The following ANKRD11 variants were observed in gnomAD, a reference collection of about 807,000 sequenced individuals.
The protein encoded by ANKRD11 is ankyrin repeat domain 11.
In ANKRD11, 17 loss-of-function variants were observed where a neutral mutation model predicts 195.7. That is an observed-to-expected ratio of 0.09 (90% confidence interval 0.06 to 0.13). ANKRD11 has a LOEUF of 0.13. Among genes scored for constraint, ANKRD11 ranks in the 10% least tolerant of loss-of-function variants. The pLI is 1.00. For missense variants in ANKRD11, 3,735 were observed against 3,566.1 expected (o/e 1.05, Z -1.21); for synonymous variants, 1,953 against 1,528.1 (o/e 1.28, Z -6.49).
intron 4 of ANKRD11, chr16:89,301,757 C>G: frequency 2.5e-6 from 1 of 397,524 alleles, no homozygotes; most frequent in Non-Finnish European, 4.4e-6. Flanking sequence ...GGCTGATTCA[C>G]AACAGACAGA....
At chr16:89,383,543 G>A (rs1422609377) in intron 2 of ANKRD11, among the ~76,000 whole-genome samples, 1 of 152,232 alleles carries the variant, frequency 6.6e-6, no homozygotes, top group Non-Finnish European at 1.5e-5. Flanking sequence ...AGAAGGAAGA[G>A]CCATGAAGTT....
chr16:89,415,719 T>C (rs2042272339), intron 2 of ANKRD11, among the ~76,000 whole-genome samples: 1 of 148,868 alleles, frequency 6.7e-6, no homozygotes, highest in South Asian at 2.1e-4. Flanking sequence ...TCCCAGCTAG[T>C]TGGGAGGCTG....
At chr16:89,405,151 G>A (rs560668543) in intron 2 of ANKRD11, among the ~76,000 whole-genome samples, 3 of 152,046 alleles carry the variant, frequency 2.0e-5, no homozygotes, top group East Asian at 1.9e-4. Context: ...TGGAGATCAC[G>A]CCATTGCACT....
intron 1 of ANKRD11, among the ~76,000 whole-genome samples, chr16:89,446,691 T>C (rs1445219767): frequency 1.3e-5 from 2 of 152,154 alleles, no homozygotes; most frequent in South Asian, 2.1e-4. Flanking sequence ...CTGAGATCCT[T>C]GTGGCAGGAC....
At chr16:89,362,377 C>T (rs1216442102) in intron 2 of ANKRD11, among the ~76,000 whole-genome samples, 1 of 152,184 alleles carries the variant, frequency 6.6e-6, no homozygotes, top group African/African-American at 2.4e-5. Flanking sequence ...AGAACCAAAA[C>T]CTGAGCTGGA....
chr16:89,478,861 T>C (rs2057345962), intron 1 of ANKRD11, among the ~76,000 whole-genome samples: 1 of 152,212 alleles, frequency 6.6e-6, no homozygotes, highest in African/African-American at 2.4e-5. Context: ...AAGGATGAGG[T>C]AATCTGGAGG....
intron 1 of ANKRD11, among the ~76,000 whole-genome samples, chr16:89,481,190 C>T (rs1900699436): frequency 6.6e-6 from 1 of 152,194 alleles, no homozygotes; most frequent in Admixed American, 6.5e-5. Context: ...TACCAGTTAA[C>T]ACCATGAAGT....
chr16:89,372,647 T>A (rs1200867034), intron 2 of ANKRD11, among the ~76,000 whole-genome samples: 4 of 151,824 alleles, frequency 2.6e-5, no homozygotes, highest in African/African-American at 4.9e-5. Flanking sequence ...AAGAAAAAAA[T>A]TTTTTTGAAA....
rs559830913 is a variant in ANKRD11, at chr16:89,285,006, G to A, written c.1536C>T (p.Pro512=). 1.9e-6 allele frequency: 3 copies of A among 1,614,046 alleles called. No individual in the cohort carries two copies. The highest frequency in any genetic ancestry group is 3.3e-5 in the Admixed American group (2 of 60,018). The stretch of plus-strand genomic sequence containing the variant: ...AGGCAGAGAGGGAGCTGAACAGGGA[G>A]GGGTCCTTCAGCACCAGCGGGGACC... ...LKGSPLVLKD[P]SLFSSLSASS... The change falls in exon 9 of 13, where the codon CCC becomes CCT. Residue 512 remains proline (P), a synonymous_variant. Coordinates refer to ENST00000301030, the MANE Select transcript of ANKRD11 (RefSeq NM_013275.6). This position sits in a 1 kb window ranked among gnomAD's most constrained non-coding sequence, Gnocchi z 5.6.
intron 2 of ANKRD11, among the ~76,000 whole-genome samples, chr16:89,343,294 G>A (rs1383464225): frequency 1.3e-5 from 2 of 152,212 alleles, no homozygotes; most frequent in Non-Finnish European, 2.9e-5. Context: ...CACTGGGCCT[G>A]AGCGCATTTT....
chr16:89,447,128 G>T (rs908936377), intron 1 of ANKRD11, among the ~76,000 whole-genome samples: 1 of 151,850 alleles, frequency 6.6e-6, no homozygotes, highest in African/African-American at 2.4e-5. Flanking sequence ...CACGTCCATC[G>T]TTCCAACTAC....
intron 2 of ANKRD11, among the ~76,000 whole-genome samples, chr16:89,351,128 G>A (rs570981409): frequency 2.2e-4 from 34 of 152,312 alleles, no homozygotes; most frequent in African/African-American, 5.5e-4. Context: ...GAGAATGCAC[G>A]GGAGTGGACG....
intron 11 of ANKRD11, among the ~76,000 whole-genome samples, chr16:89,273,955 G>A (rs1458289818): frequency 1.3e-5 from 2 of 152,286 alleles, no homozygotes; most frequent in East Asian, 1.9e-4. Context: ...TTCCAGGCAC[G>A]TCCCACTGCA....
rs76794310 is a variant in ANKRD11 at position 89,483,043 on chromosome 16, G to A, written c.-145+7202C>T. On this transcript the variant is annotated intron_variant, in intron 1 of 12. Coordinates refer to ENST00000301030, the MANE Select transcript of ANKRD11 (RefSeq NM_013275.6). ...GGTTATGGTGGTTAGTTACAGCAGC[G>A]CTGGAAAACCAACACGGGCAGCACT... is the stretch of plus-strand genomic sequence containing the variant. Among the ~76,000 whole-genome samples, 542 of 152,238 alleles carry A rather than the reference G, an allele frequency of 3.6e-3. 2 individuals are homozygous for A. The highest frequency in any genetic ancestry group is 4.8e-3 in the Non-Finnish European group (324 of 68,022).
At chr16:89,437,258 TGATGCTAA>T in intron 1 of ANKRD11, among the ~76,000 whole-genome samples, 1 of 152,162 alleles carries the variant, frequency 6.6e-6, no homozygotes, top group Non-Finnish European at 1.5e-5. Context: ...GAACCAAGCA[TGATGCTAA>T]TATGCTAATA....
intron 1 of ANKRD11, among the ~76,000 whole-genome samples, chr16:89,470,852 G>A (rs1026312528): frequency 6.6e-6 from 1 of 152,152 alleles, no homozygotes; most frequent in African/African-American, 2.4e-5. Context: ...AATTAGCTGG[G>A]CACGGTGGCG....
chr16:89,384,839 AAGAACATGTGTGTGGG>A (rs1326958893), intron 2 of ANKRD11, among the ~76,000 whole-genome samples: 1 of 147,188 alleles, frequency 6.8e-6, no homozygotes, highest in African/African-American at 2.5e-5. Flanking sequence ...ATACGTGTGT[AAGAACATGTGTGTGGG>A]AGCACACAAT....
At chr16:89,330,557 T>C (rs1010297557) in intron 2 of ANKRD11, among the ~76,000 whole-genome samples, 13 of 146,498 alleles carry the variant, frequency 8.9e-5, no homozygotes, top group African/African-American at 3.3e-4. Flanking sequence ...GATGGGGTGG[T>C]GTGGGGGGGA....
chr16:89,270,874 G>A lies in ANKRD11; in HGVS notation c.7749C>T (p.Asn2583=), dbSNP rs138161949. 92 of 1,613,932 alleles carry A rather than the reference G, an allele frequency of 5.7e-5. 1 individual carries two copies. Among genetic ancestry groups the A allele is most frequent in the Middle Eastern group, 4.9e-4 (3 of 6,084 alleles). Reference sequence around the variant, plus strand: ...GGAGCCAGGAGATGAACTGGCGGGCGTTGAAACGGTCGCGCACTGACTTGT... The same window carrying A: ...GGAGCCAGGAGATGAACTGGCGGGCATTGAAACGGTCGCGCACTGACTTGT... ...DENKSVRDRF[N]ARQFISWLQD... The change falls in exon 12 of 13, where the codon AAC becomes AAT. Residue 2583 remains asparagine (N), a synonymous_variant. Coordinates refer to ENST00000301030, the MANE Select transcript of ANKRD11 (RefSeq NM_013275.6).
Sources: allele counts gnomAD v4.1 joint callset (sites outside exome capture counted in the v4.1 genomes callset), GRCh38; gene constraint gnomAD v4.1.1; non-coding constraint Gnocchi (gnomAD v3.1); transcripts MANE v1.5; gene names NCBI Gene and HGNC (gene_info 2026-07-23, HGNC 2026-07-21).